Variants in NBR1 observed in about 807,000 individuals in gnomAD.
The protein encoded by NBR1 is next to BRCA1 gene 1 protein.
Under a neutral mutation model 115.5 loss-of-function variants are expected in NBR1, and 59 were observed. That is an observed-to-expected ratio of 0.51 (90% confidence interval 0.41 to 0.63). The LOEUF (loss-of-function observed/expected upper bound fraction) is 0.63, where lower values mean the gene tolerates loss of function less well. Among genes scored for constraint, NBR1 ranks in the 30% least tolerant of loss-of-function variants. NBR1 has a pLI of 0.00. For missense variants in NBR1, 1,043 were observed against 1,150.5 expected, an observed-to-expected ratio of 0.91 and a Z score of 1.35; for synonymous variants, 373 against 414.7, an observed-to-expected ratio of 0.90 and a Z score of 1.22.
intron 6 of NBR1, 77 bp downstream of exon 6, chr17:43,186,521 T>C: frequency 3.4e-6 from 4 of 1,176,924 alleles, no homozygotes; most frequent in Non-Finnish European, 4.5e-6. Context: ...GGTTTCTTTA[T>C]TTTATTTTTT....
Position 43,171,265 on chromosome 17 carries a change from T to C in NBR1, c.-47T>C, listed in dbSNP as rs1457849209. ...GAGCCGGTAGCGGACGGTCCTTGCA[T>C]TGGCCTCCGGCAGGCGCCCCCCGGG... On this transcript the variant is annotated 5_prime_UTR_variant, in exon 1 of 21. Transcript: ENST00000590996. 2.6e-5 allele frequency: 4 copies of C among 152,710 alleles called. No homozygotes were observed. Among genetic ancestry groups the C allele is most frequent in the Non-Finnish European group, 4.4e-5 (3 of 68,108 alleles). 9.5% of individuals were successfully genotyped at this position (152,710 alleles called of 1,614,324 possible).
chr17:43,201,061 G>A (rs1451050042), intron 17 of NBR1, among the ~76,000 whole-genome samples: 2 of 152,136 alleles, frequency 1.3e-5, no homozygotes, highest in East Asian at 3.9e-4. Context: ...TAGAAGCGGG[G>A]TTTTGCCACG....
intron 5 of NBR1, 119 bp downstream of exon 5, chr17:43,180,936 A>T: frequency 9.6e-7 from 1 of 1,039,016 alleles, no homozygotes; most frequent in Non-Finnish European, 1.2e-6. Context: ...CAGTGGCACA[A>T]TCTGGGGTTG....
At chr17:43,176,880 C>T (rs2056529958) in intron 2 of NBR1, among the ~76,000 whole-genome samples, 1 of 152,156 alleles carries the variant, frequency 6.6e-6, no homozygotes, top group Admixed American at 6.6e-5. Flanking sequence ...CCCCCCTCAT[C>T]TGTTACTCCC....
intron 2 of NBR1, chr17:43,176,345 T>C (rs1350180013): frequency 6.5e-6 from 1 of 153,288 alleles, no homozygotes; most frequent in Admixed American, 6.5e-5. Context: ...ATCTCAGAGT[T>C]GAGCAGGAAA....
At chr17:43,181,648 A>G (rs1007290129) in intron 5 of NBR1, among the ~76,000 whole-genome samples, 2 of 151,948 alleles carry the variant, frequency 1.3e-5, no homozygotes, top group Non-Finnish European at 2.9e-5. Flanking sequence ...CCTGGGCGAC[A>G]GTGAGACTCT....
intron 2 of NBR1, among the ~76,000 whole-genome samples, chr17:43,177,118 C>T (rs1005408924): frequency 1.3e-5 from 2 of 151,612 alleles, no homozygotes; most frequent in Admixed American, 6.6e-5. Context: ...CAAAAAAATA[C>T]AAAAATTAGC....
chr17:43,179,285 T>A, intron 3 of NBR1, 109 bp from the exon 4 acceptor site: 1 of 932,246 alleles, frequency 1.1e-6, no homozygotes, highest in Non-Finnish European at 1.7e-6. Flanking sequence ...ATGGAAAAGC[T>A]GAACGCTTGG....
At chr17:43,190,510 A>T in intron 8 of NBR1, 99 bp from the exon 9 acceptor site, 1 of 1,309,898 alleles carries the variant, frequency 7.6e-7, no homozygotes, top group Non-Finnish European at 1.1e-6. Flanking sequence ...GTTACCTGCT[A>T]GTTGGTACTG....
chr17:43,187,024 G>A (rs2056819723), intron 6 of NBR1, among the ~76,000 whole-genome samples: 1 of 151,922 alleles, frequency 6.6e-6, no homozygotes, highest in Admixed American at 6.6e-5. Flanking sequence ...TAACCCTTTG[G>A]GTATATACCC....
chr17:43,181,279 C>T (rs560371544), intron 5 of NBR1, among the ~76,000 whole-genome samples: 3 of 152,336 alleles, frequency 2.0e-5, no homozygotes, highest in African/African-American at 7.2e-5. Context: ...GATGAATGGG[C>T]ACGACACTCA....
Position 43,210,221 on chromosome 17 carries a change from C to T in NBR1, c.*147C>T, listed in dbSNP as rs1193192322. 1 of 647,766 alleles carries T rather than the reference C, an allele frequency of 1.5e-6. No individual in the cohort carries two copies. The highest frequency in any genetic ancestry group is 2.3e-6 in the Non-Finnish European group (1 of 436,558). 40.1% of individuals were successfully genotyped at this position (647,766 alleles called of 1,614,324 possible). A position where few individuals can be genotyped will look rare whatever the true frequency, so the allele number is the denominator to read the frequency against. On this transcript the variant is annotated 3_prime_UTR_variant, in exon 21 of 21. Transcript: ENST00000590996. Reference sequence around the variant, plus strand: ...TGAGTTACCAAGACAATACCTGCTACAGTATTTTGGGGAGCAAACTAAAGA... The same window carrying T: ...TGAGTTACCAAGACAATACCTGCTATAGTATTTTGGGGAGCAAACTAAAGA...
intron 7 of NBR1, 139 bp from the exon 8 acceptor site, chr17:43,189,449 T>C: frequency 1.6e-6 from 1 of 640,862 alleles, no homozygotes; most frequent in Non-Finnish European, 2.7e-6. Flanking sequence ...TTGCTATGTT[T>C]CTGTCTATTC....
At chr17:43,207,900 C>G (rs2057346884) in intron 20 of NBR1, among the ~76,000 whole-genome samples, 1 of 152,100 alleles carries the variant, frequency 6.6e-6, no homozygotes, top group Admixed American at 6.6e-5. Context: ...GTGATACATG[C>G]TTGAGAGTCA....
intron 2 of NBR1, among the ~76,000 whole-genome samples, chr17:43,177,169 A>G (rs2056536626): frequency 6.8e-6 from 1 of 146,366 alleles, no homozygotes; most frequent in South Asian, 2.2e-4. Flanking sequence ...GCTACTCCGG[A>G]GGTTGAGGTG....
At chr17:43,207,411 G>A (rs1315422337) in intron 20 of NBR1, among the ~76,000 whole-genome samples, 1 of 152,210 alleles carries the variant, frequency 6.6e-6, no homozygotes, top group African/African-American at 2.4e-5. Flanking sequence ...AGGCTGGAGT[G>A]CAATAACTAG....
chr17:43,195,091 T>C (rs1363634319), intron 14 of NBR1, 52 bp downstream of exon 14: 206 of 1,385,584 alleles, frequency 1.5e-4, no homozygotes, highest in Non-Finnish European at 2.1e-4. Flanking sequence ...GGCACAAAAG[T>C]ACCACAGCCT....
chr17:43,185,251 C>G (rs2056772601), intron 5 of NBR1, among the ~76,000 whole-genome samples: 1 of 152,094 alleles, frequency 6.6e-6, no homozygotes, highest in Non-Finnish European at 1.5e-5. Flanking sequence ...AAGTTCATGA[C>G]CGGCCTGGGT....
intron 9 of NBR1, among the ~76,000 whole-genome samples, chr17:43,191,080 C>T (rs955388031): frequency 6.6e-6 from 1 of 151,966 alleles, no homozygotes; most frequent in Non-Finnish European, 1.5e-5. Context: ...AGCAAGATCC[C>T]GCCTCTACAA....
Sources: gnomAD v4.1 joint callset for allele counts (sites outside exome capture counted in the v4.1 genomes callset) on GRCh38, gnomAD v4.1.1 for gene constraint, MANE v1.5 for transcripts, NCBI Gene and HGNC (gene_info 2026-07-23, HGNC 2026-07-21) for gene names.